Variants in NCOA7 observed in about 807,000 individuals in gnomAD.
NCOA7 encodes the protein 140 kDa estrogen receptor-associated protein.
NCOA7 carries 45 observed loss-of-function variants against 104.3 expected under a neutral mutation model. That is an observed-to-expected ratio of 0.43 (90% CI 0.34 to 0.55). The LOEUF (loss-of-function observed/expected upper bound fraction) is 0.55, where lower values mean the gene tolerates loss of function less well. Among genes scored for constraint, NCOA7 ranks in the 20% least tolerant of loss-of-function variants. The probability of loss-of-function intolerance (pLI) is 0.02; values close to 1 mark genes in which losing one functional copy is unlikely to be tolerated. For missense variants in NCOA7, 1,041 were observed against 1,119.7 expected (o/e 0.93, Z 1.00); for synonymous variants, 398 against 402.3 (o/e 0.99, Z 0.13).
At chr6:125,887,194 G>T (rs1784327815) in intron 8 of NCOA7, among the ~76,000 whole-genome samples, 1 of 152,188 alleles carries the variant, frequency 6.6e-6, no homozygotes, top group Non-Finnish European at 1.5e-5. Flanking sequence ...GTATTTTTGT[G>T]GGGGTCAAGC....
At chr6:125,916,236 C>CT (rs1392906025) in intron 11 of NCOA7, among the ~76,000 whole-genome samples, 2 of 152,200 alleles carry the variant, frequency 1.3e-5, no homozygotes, top group Non-Finnish European at 2.9e-5. Flanking sequence ...GAAGAAGGTG[C>CT]TTACCTCTCC....
chr6:125,927,789 A>G (rs371029917), intron 14 of NCOA7, 31 bp downstream of exon 14: 24 of 1,527,560 alleles, frequency 1.6e-5, no homozygotes, highest in Non-Finnish European at 1.9e-5. Context: ...TCCAACTCCC[A>G]TATGTCACAG....
intron 2 of NCOA7, among the ~76,000 whole-genome samples, chr6:125,847,768 C>A (rs1053512300): frequency 6.6e-6 from 1 of 152,114 alleles, no homozygotes; most frequent in Non-Finnish European, 1.5e-5. Context: ...TCTAAAACAC[C>A]AAAAGCAATG....
intron 1 of NCOA7, among the ~76,000 whole-genome samples, chr6:125,791,286 C>T (rs1295040992): frequency 1.3e-5 from 2 of 152,222 alleles, no homozygotes; most frequent in African/African-American, 2.4e-5. Context: ...AGAGATTGAC[C>T]CTTCCCCGCC....
chr6:125,847,866 A>G (rs534255061), intron 2 of NCOA7, among the ~76,000 whole-genome samples: 1 of 152,194 alleles, frequency 6.6e-6, no homozygotes, highest in Non-Finnish European at 1.5e-5. Flanking sequence ...AGTGAACAGG[A>G]AACCTACAGA....
chr6:125,795,850 TA>T (rs1192750609), intron 1 of NCOA7, among the ~76,000 whole-genome samples: 4 of 152,144 alleles, frequency 2.6e-5, no homozygotes, highest in Admixed American at 1.3e-4. Context: ...CATAGACCCA[TA>T]AAAAACCTGA....
chr6:125,852,109 C>T (rs1217545250), intron 2 of NCOA7, among the ~76,000 whole-genome samples: 2 of 151,900 alleles, frequency 1.3e-5, no homozygotes, highest in African/African-American at 2.4e-5. Context: ...TTAATTAGGT[C>T]CCATTTATTT....
chr6:125,885,389 G>A (rs1472626244), intron 8 of NCOA7, 46 bp downstream of exon 8: 1 of 1,577,824 alleles, frequency 6.3e-7, no homozygotes, highest in Non-Finnish European at 8.7e-7. Context: ...TGTTGAGAGA[G>A]CTAAATGTAG....
chr6:125,804,626 C>T (rs1776252631), intron 1 of NCOA7, among the ~76,000 whole-genome samples: 1 of 151,950 alleles, frequency 6.6e-6, no homozygotes, highest in Admixed American at 6.6e-5. Context: ...CTGACTTATA[C>T]CTTATGAGTA....
chr6:125,836,612 A>C (rs1008971151), intron 2 of NCOA7, among the ~76,000 whole-genome samples: 4 of 152,218 alleles, frequency 2.6e-5, no homozygotes, highest in Non-Finnish European at 5.9e-5. Flanking sequence ...CTTATGGCTT[A>C]ATGCAGGAGT....
At chr6:125,811,771 C>T (rs957694727) in intron 1 of NCOA7, among the ~76,000 whole-genome samples, 2 of 152,162 alleles carry the variant, frequency 1.3e-5, no homozygotes, top group African/African-American at 4.8e-5. Flanking sequence ...GCATGGCTTC[C>T]ACTCCCAATA....
chr6:125,782,393 G>A (rs997255914), intron 1 of NCOA7, among the ~76,000 whole-genome samples: 4 of 152,072 alleles, frequency 2.6e-5, no homozygotes, highest in Non-Finnish European at 5.9e-5. Context: ...TCTACTAAGA[G>A]CAATCAATAT....
chr6:125,876,181 A>T (rs1384972707), intron 4 of NCOA7, among the ~76,000 whole-genome samples: 1 of 152,198 alleles, frequency 6.6e-6, no homozygotes, highest in Non-Finnish European at 1.5e-5. Flanking sequence ...AGCAAGATCT[A>T]ATTCTTTGCT....
chr6:125,879,600 A>G (rs1783652394), intron 5 of NCOA7, among the ~76,000 whole-genome samples: 1 of 152,156 alleles, frequency 6.6e-6, no homozygotes, highest in Non-Finnish European at 1.5e-5. Context: ...TGAGGTTTAA[A>G]TGACTGGAAA....
intron 5 of NCOA7, among the ~76,000 whole-genome samples, chr6:125,879,114 A>G (rs961123146): frequency 3.9e-4 from 60 of 152,348 alleles, no homozygotes; most frequent in Non-Finnish European, 2.2e-4. Flanking sequence ...TTAGCTATAT[A>G]AGATAAATAA....
chr6:125,908,707 C>G (rs1315736736), intron 10 of NCOA7, among the ~76,000 whole-genome samples: 1 of 152,184 alleles, frequency 6.6e-6, no homozygotes, highest in Non-Finnish European at 1.5e-5. Flanking sequence ...TGTACTCAGT[C>G]ATACCTCTCT....
chr6:125,873,609 A>G (rs1188251601), intron 3 of NCOA7, among the ~76,000 whole-genome samples: 1 of 152,180 alleles, frequency 6.6e-6, no homozygotes, highest in African/African-American at 2.4e-5. Flanking sequence ...AACATCCTTC[A>G]GCAGGTCCCT....
intron 1 of NCOA7, among the ~76,000 whole-genome samples, chr6:125,785,352 G>A (rs1774418046): frequency 6.6e-6 from 1 of 152,096 alleles, no homozygotes; most frequent in Non-Finnish European, 1.5e-5. Context: ...AAAAAAACTG[G>A]TGAGATCTGA....
intron 10 of NCOA7, among the ~76,000 whole-genome samples, chr6:125,910,855 A>G (rs554852910): frequency 1.3e-5 from 2 of 152,240 alleles, no homozygotes; most frequent in Non-Finnish European, 2.9e-5. Context: ...AGTACTATGT[A>G]GCTGTAAAAT....
Sources: allele counts gnomAD v4.1 joint callset (sites outside exome capture counted in the v4.1 genomes callset), GRCh38; gene constraint gnomAD v4.1.1; transcripts MANE v1.5; gene names NCBI Gene and HGNC (gene_info 2026-07-23, HGNC 2026-07-21).